The following DCLRE1B variants were observed in gnomAD, a reference collection of about 807,000 sequenced individuals.
The protein encoded by DCLRE1B is DNA cross-link repair 1B, also known as 5' exonuclease Apollo.
A neutral mutation model predicts 19.8 loss-of-function variants in DCLRE1B; 6 were observed. The observed-to-expected ratio is 0.30, with a 90% confidence interval of 0.17 to 0.60. The LOEUF is 0.60. Among genes scored for constraint, DCLRE1B ranks in the 20% least tolerant of loss-of-function variants. The pLI, the probability that DCLRE1B is intolerant of heterozygous loss-of-function variation, is 0.87. For synonymous variants in DCLRE1B, 258 were observed against 255.7 expected (o/e 1.01, Z -0.09); for missense variants, 622 against 654.2 (o/e 0.95, Z 0.54).
rs913634131 is a variant in DCLRE1B at position 113,913,159 on chromosome 1, G to A, written c.*968G>A. On this transcript the variant is annotated 3_prime_UTR_variant, in exon 4 of 4. Transcript: ENST00000650450. ...GGAGCCAGCTGGCGGGAAGGGGTGG[G>A]GGTGTGCAGTCTGCCCTGTCCTTCT... 6.5e-6 allele frequency: 1 copy of A among 153,066 alleles called. No homozygotes were observed. Among genetic ancestry groups the A allele is most frequent in the Non-Finnish European group, 1.5e-5 (1 of 68,308 alleles). The allele number at this position is 153,066 out of a possible 1,614,324, so 9.5% of individuals were successfully genotyped here.
At position 113,905,727 on chromosome 1, in the gene DCLRE1B, C is replaced by T; in HGVS notation, c.141C>T (p.Pro47=). The T allele has an allele frequency of 2.5e-6, 4 of 1,614,140 alleles. No homozygotes were observed. Among genetic ancestry groups the T allele is most frequent in the Non-Finnish European group, 2.5e-6 (3 of 1,180,028 alleles). ...GCCTGTCTAGCACCTGGGCCCGGCCCCTCTACTGCTCCCCAATTACAGCCC... is the reference window on the plus strand; with the variant it reads ...GCCTGTCTAGCACCTGGGCCCGGCCTCTCTACTGCTCCCCAATTACAGCCC... ...TVGLSSTWAR[P]LYCSPITAHL... is the part of the protein sequence containing the mutation. Residue 47 remains proline (P), a synonymous_variant, in exon 1 of 4, where the codon CCC becomes CCT. Transcript: ENST00000650450.
At chr1:113,910,286 A>G (rs1285390453) in intron 3 of DCLRE1B, among the ~76,000 whole-genome samples, 1 of 152,222 alleles carries the variant, frequency 6.6e-6, no homozygotes, top group Non-Finnish European at 1.5e-5. Flanking sequence ...TTAGCGGTAC[A>G]TATAAGACGC....
upstream of DCLRE1B, chr1:113,904,764 G>C (rs372091501): frequency 6.6e-7 from 1 of 1,511,876 alleles, no homozygotes; most frequent in African/African-American, 1.4e-5. Flanking sequence ...ACGGTAACTC[G>C]AGGGCTCCTT....
intron 3 of DCLRE1B, 50 bp from the exon 4 acceptor site, chr1:113,911,080 CT>C (rs1392099237): frequency 1.6e-5 from 24 of 1,497,680 alleles, no homozygotes; most frequent in Non-Finnish European, 2.2e-5. Flanking sequence ...TTTCCAATAG[CT>C]TAATTTTCTT....
chr1:113,905,235 C>T (rs1668837516), upstream of DCLRE1B: 1 of 353,376 alleles, frequency 2.8e-6, no homozygotes, highest in South Asian at 2.9e-5. Context: ...ACCTCTCACT[C>T]TCCAGGCGCA....
upstream of DCLRE1B, chr1:113,904,660 G>GA (rs771758682): frequency 1.2e-6 from 2 of 1,613,362 alleles, no homozygotes; most frequent in Non-Finnish European, 1.7e-6. Context: ...TGAATGTGAG[G>GA]ATTGCACAGA....
chr1:113,910,193 A>G (rs145497242), intron 3 of DCLRE1B, among the ~76,000 whole-genome samples: 12 of 152,238 alleles, frequency 7.9e-5, no homozygotes, highest in Admixed American at 7.8e-4. Context: ...CTCTGAGCAT[A>G]TTATTCTTAT....
In DCLRE1B at chr1:113,911,764, A is replaced by AC; in HGVS notation, c.1174dup (p.His392ProfsTer15). On this transcript the variant is annotated frameshift_variant, in exon 4 of 4. Transcript: ENST00000650450. LOFTEE classifies it low-confidence loss of function (END_TRUNC). Reference sequence around the variant, plus strand: ...GCGGACCTTGAAAAGCAGCCTTCCCACCATCCTTTGCGGATCAAGAAGCAG... The same window carrying AC: ...GCGGACCTTGAAAAGCAGCCTTCCCACCCATCCTTTGCGGATCAAGAAGCAG... The AC allele has an allele frequency of 6.2e-7, 1 of 1,614,170 alleles. No homozygotes were observed. Among genetic ancestry groups the AC allele is most frequent in the Non-Finnish European group, 8.5e-7 (1 of 1,180,032 alleles).
In DCLRE1B at chr1:113,911,718, G is replaced by A. The variant is rs772757355; in HGVS notation, c.1126G>A (p.Glu376Lys). The change falls in exon 4 of 4, where the codon GAG becomes AAG. Residue 376 changes from glutamate to lysine, a missense_variant. By Grantham distance (56) the Glu-to-Lys change is moderately conservative. This residue lies in a region of DCLRE1B where 382 missense variants were observed against 412.5 expected (regional missense o/e 0.93). Transcript: ENST00000650450. ...ADRDSKKAKKEKLSPWPADLE... is the reference protein window; with the variant it reads ...ADRDSKKAKKKKLSPWPADLE... ...CAGAGACTCAAAGAAGGCCAAGAAA[G>A]AGAAACTTTCTCCCTGGCCTGCGGA... The A allele has an allele frequency of 1.2e-6, 2 of 1,614,142 alleles. No homozygotes were observed. Among genetic ancestry groups the A allele is most frequent in the Non-Finnish European group, 1.7e-6 (2 of 1,180,024 alleles).
rs755281208 is a variant in DCLRE1B at position 113,912,241 on chromosome 1, A to G, written c.*50A>G. On this transcript the variant is annotated 3_prime_UTR_variant, in exon 4 of 4. Transcript: ENST00000650450. Reference sequence around the variant, plus strand: ...CATTGAGCCCACACTGCAGTTTTGAAGATAGTAACTGATGGCTGGTGGGAA... The same window carrying G: ...CATTGAGCCCACACTGCAGTTTTGAGGATAGTAACTGATGGCTGGTGGGAA... 1 of 1,512,376 alleles carries G rather than the reference A, an allele frequency of 6.6e-7. No homozygotes were observed. The highest frequency in any genetic ancestry group is 8.9e-7 in the Non-Finnish European group (1 of 1,129,080). 93.7% of individuals were successfully genotyped at this position (1,512,376 alleles called of 1,614,324 possible). A position where few individuals can be genotyped will look rare whatever the true frequency, so the allele number is the denominator to read the frequency against.
chr1:113,905,791 C>T lies in DCLRE1B; in HGVS notation c.189+16C>T, dbSNP rs1668899966. The T allele has an allele frequency of 6.2e-7, 1 of 1,601,452 alleles. No homozygotes were observed. Among genetic ancestry groups the T allele is most frequent in the Non-Finnish European group, 8.5e-7 (1 of 1,171,856 alleles). On this transcript the variant is annotated intron_variant, in intron 1 of 3. Coordinates refer to ENST00000650450, the MANE Select transcript of DCLRE1B (RefSeq NM_022836.4). ...TCACCTACAGGTATGGGGCTGGAGT[C>T]GGTCTCCGAGAGCTGGTCCAGGCAT...
At chr1:113,906,279 A>G (rs1668956574) in intron 1 of DCLRE1B, among the ~76,000 whole-genome samples, 1 of 151,100 alleles carries the variant, frequency 6.6e-6, no homozygotes, top group Admixed American at 6.6e-5. Context: ...GCTGTTCTCT[A>G]ACTCCTGACC....
chr1:113,909,081 T>TA (rs1669154251), intron 3 of DCLRE1B, among the ~76,000 whole-genome samples: 1 of 152,232 alleles, frequency 6.6e-6, no homozygotes, highest in South Asian at 2.1e-4. Flanking sequence ...ATTGGACTTT[T>TA]TATTGTCTGA....
In DCLRE1B at chr1:113,913,853, A is replaced by G. The variant is rs1182722124; in HGVS notation, c.*1662A>G. 3 of 152,226 alleles carry G rather than the reference A, an allele frequency of 2.0e-5. No individual in the cohort carries two copies. Among genetic ancestry groups the G allele is most frequent in the Non-Finnish European group, 4.4e-5 (3 of 68,028 alleles). 9.4% of individuals were successfully genotyped at this position (152,226 alleles called of 1,614,324 possible). On this transcript the variant is annotated 3_prime_UTR_variant, in exon 4 of 4. Transcript: ENST00000650450. The stretch of plus-strand genomic sequence containing the variant: ...TTTTCTATGCATGTAGATGTATTAA[A>G]TATGTAAATGTTTTTCAAAGTTGAG...
intron 3 of DCLRE1B, 96 bp downstream of exon 3, chr1:113,908,287 T>G (rs1023792176): frequency 3.6e-5 from 53 of 1,489,426 alleles, no homozygotes; most frequent in Non-Finnish European, 4.4e-5. Context: ...CAGTTCTCAC[T>G]TTCTCCTACA....
rs754690405 is a variant in DCLRE1B at position 113,913,481 on chromosome 1, TAGG to T, written c.*1293_*1295del. The T allele has an allele frequency of 2.0e-5, 3 of 152,874 alleles. No homozygotes were observed. The highest frequency in any genetic ancestry group is 2.9e-5 in the Non-Finnish European group (2 of 68,044). 9.5% of individuals were successfully genotyped at this position (152,874 alleles called of 1,614,324 possible). On this transcript the variant is annotated 3_prime_UTR_variant, in exon 4 of 4. Coordinates refer to ENST00000650450, the MANE Select transcript of DCLRE1B (RefSeq NM_022836.4). ...TGTTGTAAGTCTCCCAACGTCCTAT[TAGG>T]AGCCACAGCAGGTGAGGCATTTGGT...
At position 113,905,700 on chromosome 1, in the gene DCLRE1B, GGGC is replaced by G; in HGVS notation, c.115_117del (p.Gly39del). ...CTCACATGCACTCGGACCACACCGT[GGGC>G]CTGTCTAGCACCTGGGCCCGGCCCC... On this transcript the variant is annotated inframe_deletion, in exon 1 of 4. Coordinates refer to ENST00000650450, the MANE Select transcript of DCLRE1B (RefSeq NM_022836.4). 1.9e-6 allele frequency: 3 copies of G among 1,614,138 alleles called. No individual in the cohort carries two copies. Among genetic ancestry groups the G allele is most frequent in the Non-Finnish European group, 2.5e-6 (3 of 1,180,024 alleles).
chr1:113,911,213 C>G lies in DCLRE1B; in HGVS notation c.621C>G (p.Arg207=). Residue 207 remains arginine (R), a synonymous_variant, in exon 4 of 4, where the codon CGC becomes CGG. Coordinates refer to ENST00000650450, the MANE Select transcript of DCLRE1B (RefSeq NM_022836.4). ...CCTGGGTGGTATTGAGTCCTCGGCG[C>G]CTGGAGTTGGTACAGCTACTGGGCC... ...FQTWVVLSPR[R]LELVQLLGLA... is the part of the protein sequence containing the mutation. 6.2e-7 allele frequency: 1 copy of G among 1,614,140 alleles called. No homozygotes were observed. The highest frequency in any genetic ancestry group is 8.5e-7 in the Non-Finnish European group (1 of 1,180,016).
In DCLRE1B at chr1:113,905,353, T is replaced by C. The variant is rs1668848556; in HGVS notation, c.-234T>C. 1.9e-6 allele frequency: 1 copy of C among 525,174 alleles called. No homozygotes were observed. The highest frequency in any genetic ancestry group is 3.8e-5 in the Admixed American group (1 of 26,440). The allele number at this position is 525,174 out of a possible 1,614,324, so 32.5% of individuals were successfully genotyped here. On this transcript the variant is annotated 5_prime_UTR_variant, in exon 1 of 4. Transcript: ENST00000650450. Reference sequence around the variant, plus strand: ...TTTGAGTGCCCGGCTCGGCCTCCGCTCCCGCGCGGTTGGGAGTGTCCAGCG... The same window carrying C: ...TTTGAGTGCCCGGCTCGGCCTCCGCCCCCGCGCGGTTGGGAGTGTCCAGCG...
Sources: allele counts gnomAD v4.1 joint callset (sites outside exome capture counted in the v4.1 genomes callset), GRCh38; gene constraint gnomAD v4.1.1; regional missense constraint gnomAD v4.1.1; transcripts MANE v1.5; gene names NCBI Gene and HGNC (gene_info 2026-07-23, HGNC 2026-07-21).